The following CALN1 variants were observed in gnomAD, a reference collection of about 807,000 sequenced individuals.
CALN1 encodes calneuron 1, also known as calcium-binding protein 8.
CALN1 carries 17 observed loss-of-function variants against 30.6 expected under a neutral mutation model. The observed-to-expected ratio is 0.56, with a 90% CI of 0.38 to 0.83. CALN1 has a LOEUF of 0.83. CALN1 is among the 40% of genes least tolerant of loss of function. The pLI is 0.00. For missense variants in CALN1, 291 were observed against 354.9 expected, an observed-to-expected ratio of 0.82 and a Z score of 1.45; for synonymous variants, 156 against 131.4, an observed-to-expected ratio of 1.19 and a Z score of -1.28.
chr7:72,318,134 A>C (rs1289761547), intron 2 of CALN1, among the ~76,000 whole-genome samples: 1 of 152,170 alleles, frequency 6.6e-6, no homozygotes, highest in Non-Finnish European at 1.5e-5. Flanking sequence ...CCTATTTCAA[A>C]GGACTCTACA....
In CALN1 at chr7:72,098,063, C is replaced by T. The variant is rs573751576; in HGVS notation, c.388+8088G>A. 3.9e-5 allele frequency among the ~76,000 whole-genome samples: 6 copies of T among 152,212 alleles called. No homozygotes were observed. The East Asian group carries it at 7.7e-4, about 20-fold the overall frequency. The stretch of plus-strand genomic sequence containing the variant: ...ATCCAAGGATGATACAGAACTAATA[C>T]GATGCAGGGGATGGAAGTCGATTCC... On this transcript the variant is annotated intron_variant, in intron 4 of 6. Transcript: ENST00000395275.
chr7:72,397,300 G>A (rs998266818), intron 2 of CALN1, among the ~76,000 whole-genome samples: 20 of 152,182 alleles, frequency 1.3e-4, no homozygotes, highest in African/African-American at 3.9e-4. Flanking sequence ...GAGAGAGGCA[G>A]GTTGCAGTGT....
At chr7:72,347,837 A>T (rs183413700) in intron 2 of CALN1, among the ~76,000 whole-genome samples, 1 of 152,288 alleles carries the variant, frequency 6.6e-6, no homozygotes, top group Non-Finnish European at 1.5e-5. Context: ...TTGCCATTGA[A>T]AGTAATGGCA....
intron 3 of CALN1, among the ~76,000 whole-genome samples, chr7:72,149,369 G>A (rs1211735149): frequency 6.6e-6 from 1 of 152,106 alleles, no homozygotes; most frequent in Non-Finnish European, 1.5e-5. Context: ...TAGAGAAGCT[G>A]AGGCAGGAGT....
chr7:72,372,147 C>G (rs562238946), intron 2 of CALN1, among the ~76,000 whole-genome samples: 2 of 152,228 alleles, frequency 1.3e-5, no homozygotes, highest in East Asian at 3.9e-4. Context: ...GTGAAAATCC[C>G]CTATGATTAT....
At chr7:71,969,316 C>T (rs183375426) in intron 5 of CALN1, among the ~76,000 whole-genome samples, 2 of 152,258 alleles carry the variant, frequency 1.3e-5, no homozygotes, top group East Asian at 3.9e-4. Context: ...CGGTATTAAC[C>T]TTCTCCTCAG....
chr7:71,911,062 C>CCCCAA (rs1794401215), intron 5 of CALN1, among the ~76,000 whole-genome samples: 1 of 152,084 alleles, frequency 6.6e-6, no homozygotes, highest in African/African-American at 2.4e-5. Context: ...TTCAACAAAC[C>CCCCAA]CCCAAATTCA....
chr7:72,058,895 T>C (rs1304855279), intron 4 of CALN1, among the ~76,000 whole-genome samples: 1 of 152,202 alleles, frequency 6.6e-6, no homozygotes, highest in Non-Finnish European at 1.5e-5. Flanking sequence ...AAGAACGCTG[T>C]CTGGCTTTAA....
intron 2 of CALN1, among the ~76,000 whole-genome samples, chr7:72,286,473 A>G (rs977620346): frequency 6.6e-6 from 1 of 152,198 alleles, no homozygotes; most frequent in South Asian, 2.1e-4. Flanking sequence ...ATGATTTTTC[A>G]TGCATTGCTT....
At chr7:72,290,490 G>C (rs908132462) in intron 2 of CALN1, among the ~76,000 whole-genome samples, 4 of 152,072 alleles carry the variant, frequency 2.6e-5, no homozygotes, top group African/African-American at 9.7e-5. Context: ...AGTTGACTTT[G>C]AGTTATTCTG....
At chr7:71,790,588 C>A (rs755258402) in intron 6 of CALN1, among the ~76,000 whole-genome samples, 1 of 152,192 alleles carries the variant, frequency 6.6e-6, no homozygotes, top group Non-Finnish European at 1.5e-5. Flanking sequence ...CACGGTTCCC[C>A]AGATAGCTTA....
At chr7:71,856,343 C>T (rs951011216) in intron 5 of CALN1, among the ~76,000 whole-genome samples, 1 of 151,936 alleles carries the variant, frequency 6.6e-6, no homozygotes, top group Non-Finnish European at 1.5e-5. Flanking sequence ...GGTTGGAGTG[C>T]AGTGGTACAA....
chr7:72,232,354 C>T (rs180924160), intron 3 of CALN1, among the ~76,000 whole-genome samples: 311 of 152,304 alleles, frequency 2.0e-3, no homozygotes, highest in Non-Finnish European at 3.2e-3. Flanking sequence ...ATACTATTTA[C>T]AATAGCCAAG....
intron 3 of CALN1, among the ~76,000 whole-genome samples, chr7:72,251,680 C>T (rs1309751467): frequency 1.3e-5 from 2 of 152,076 alleles, no homozygotes; most frequent in East Asian, 1.9e-4. Flanking sequence ...GGATTACAGG[C>T]ATAAGCCACC....
chr7:71,993,384 C>A (rs1298122877), intron 5 of CALN1, among the ~76,000 whole-genome samples: 5 of 151,656 alleles, frequency 3.3e-5, no homozygotes, highest in African/African-American at 9.7e-5. Flanking sequence ...GAGGATCACT[C>A]AAGCCAAGGA....
chr7:72,364,471 C>CT, intron 2 of CALN1, among the ~76,000 whole-genome samples: 1 of 152,248 alleles, frequency 6.6e-6, no homozygotes, highest in Non-Finnish European at 1.5e-5. Context: ...GTCTCTATAC[C>CT]TCCCTTTGAA....
chr7:72,134,459 T>C (rs2129543030), intron 3 of CALN1, among the ~76,000 whole-genome samples: 1 of 152,354 alleles, frequency 6.6e-6, no homozygotes, highest in Non-Finnish European at 1.5e-5. Context: ...GGTTTGGTTC[T>C]GGACTACTAC....
At chr7:72,465,943 C>T in the CALN1 span, among the ~76,000 whole-genome samples, 5 of 152,176 alleles carry the variant, frequency 3.3e-5, no homozygotes, top group South Asian at 6.2e-4. Flanking sequence ...ACCCCCACCA[C>T]GAGACAATCC....
chr7:72,296,753 T>G (rs1168756131), intron 2 of CALN1, among the ~76,000 whole-genome samples: 3 of 150,960 alleles, frequency 2.0e-5, no homozygotes, highest in African/African-American at 7.3e-5. Context: ...TCTTCTCTCT[T>G]TTTTTATTAG....
Sources: allele counts gnomAD v4.1 joint callset (sites outside exome capture counted in the v4.1 genomes callset), GRCh38; gene constraint gnomAD v4.1.1; transcripts MANE v1.5; gene names NCBI Gene and HGNC (gene_info 2026-07-23, HGNC 2026-07-21).